RABGAP1L: variants seen among roughly 807,000 people sequenced by gnomAD.
RABGAP1L encodes rab GTPase-activating protein 1-like.
Under a neutral mutation model 137.7 loss-of-function variants are expected in RABGAP1L, and 63 were observed. That is an observed-to-expected ratio of 0.46 (90% CI 0.37 to 0.56). RABGAP1L has a LOEUF of 0.56. RABGAP1L is among the 20% of genes least tolerant of loss of function. The probability of loss-of-function intolerance (pLI) is 0.00; values close to 1 mark genes in which losing one functional copy is unlikely to be tolerated. For synonymous variants in RABGAP1L, 431 were observed against 433.7 expected (o/e 0.99, Z 0.08); for missense variants, 1,095 against 1,244.0 (o/e 0.88, Z 1.80).
At chr1:174,324,829 T>G (rs1008627587) in intron 11 of RABGAP1L, among the ~76,000 whole-genome samples, 4 of 152,128 alleles carry the variant, frequency 2.6e-5, no homozygotes, top group Admixed American at 6.5e-5. Flanking sequence ...ACAAGGAGGT[T>G]TAATAAGATA....
At chr1:174,355,756 G>A (rs1399481343) in intron 11 of RABGAP1L, among the ~76,000 whole-genome samples, 1 of 151,964 alleles carries the variant, frequency 6.6e-6, no homozygotes, top group Non-Finnish European at 1.5e-5. Flanking sequence ...AATCACTTAT[G>A]CTTAGCAACT....
In RABGAP1L at chr1:174,717,479, G is replaced by A. The variant is rs1056712613; in HGVS notation, c.2169+15223G>A. On this transcript the variant is annotated intron_variant, in intron 17 of 25. Coordinates refer to ENST00000681986, the MANE Select transcript of RABGAP1L (RefSeq NM_001366446.1). Reference sequence around the variant, plus strand: ...TCCAATAGTACTGATTAAACCTCTCGTTTAAGTGCCCTTTTTTGTTCCCGT... The same window carrying A: ...TCCAATAGTACTGATTAAACCTCTCATTTAAGTGCCCTTTTTTGTTCCCGT... 4.6e-5 allele frequency among the ~76,000 whole-genome samples: 7 copies of A among 152,052 alleles called. No individual in the cohort carries two copies. In the East Asian group the frequency reaches 9.6e-4, roughly 21 times the overall value.
intron 13 of RABGAP1L, among the ~76,000 whole-genome samples, chr1:174,486,953 A>T (rs1323057613): frequency 6.6e-6 from 1 of 152,100 alleles, no homozygotes; most frequent in African/African-American, 2.4e-5. Flanking sequence ...ATTCCTTGTT[A>T]CTAATTTCTA....
intron 11 of RABGAP1L, among the ~76,000 whole-genome samples, chr1:174,327,967 A>G (rs1413059006): frequency 7.1e-5 from 1 of 14,112 alleles, no homozygotes; most frequent in Non-Finnish European, 1.1e-4. Context: ...ATATATATAT[A>G]TATATATATA....
At chr1:174,191,371 CACTT>C (rs1410435509) in intron 1 of RABGAP1L, among the ~76,000 whole-genome samples, 11 of 152,182 alleles carry the variant, frequency 7.2e-5, no homozygotes, top group African/African-American at 2.7e-4. Flanking sequence ...CCTGGTTTAG[CACTT>C]ACTTTCTTTT....
chr1:174,840,474 G>C (rs1258781049), intron 19 of RABGAP1L, among the ~76,000 whole-genome samples: 1 of 152,086 alleles, frequency 6.6e-6, no homozygotes, highest in Non-Finnish European at 1.5e-5. Context: ...TAGGATTTGT[G>C]TACTAGCAGC....
chr1:174,251,062 A>C (rs1672673787), intron 6 of RABGAP1L, among the ~76,000 whole-genome samples: 1 of 152,212 alleles, frequency 6.6e-6, no homozygotes, highest in Non-Finnish European at 1.5e-5. Flanking sequence ...TGGCCTCCCA[A>C]AGTGCTGGGA....
intron 21 of RABGAP1L, among the ~76,000 whole-genome samples, chr1:174,969,799 T>G (rs1459851763): frequency 6.6e-6 from 1 of 152,032 alleles, no homozygotes; most frequent in Non-Finnish European, 1.5e-5. Context: ...ACATTAAGAG[T>G]TGGATTGTTA....
intron 1 of RABGAP1L, among the ~76,000 whole-genome samples, chr1:174,169,812 T>C (rs2148223544): frequency 6.6e-6 from 1 of 151,992 alleles, no homozygotes; most frequent in South Asian, 2.1e-4. Flanking sequence ...AACCTTCGTC[T>C]CAGGAGTAGC....
chr1:174,389,542 C>T (rs1687058782), intron 12 of RABGAP1L, among the ~76,000 whole-genome samples: 1 of 152,020 alleles, frequency 6.6e-6, no homozygotes, highest in Non-Finnish European at 1.5e-5. Flanking sequence ...TAAGTAGTTT[C>T]AAGAAAATCC....
At chr1:174,989,763 G>C (rs1389039259) in intron 25 of RABGAP1L, 86 bp from the exon 26 acceptor site, 2 of 1,423,968 alleles carry the variant, frequency 1.4e-6, no homozygotes, top group African/African-American at 1.4e-5. Context: ...CATACCTTGA[G>C]ACTCCAAAAA....
At chr1:174,847,467 T>C (rs1323870162) in intron 19 of RABGAP1L, among the ~76,000 whole-genome samples, 1 of 150,768 alleles carries the variant, frequency 6.6e-6, no homozygotes, top group Non-Finnish European at 1.5e-5. Context: ...TAAAGTATTT[T>C]ATTTCTCCTT....
intron 13 of RABGAP1L, among the ~76,000 whole-genome samples, chr1:174,521,744 T>G (rs982234991): frequency 4.6e-5 from 7 of 152,144 alleles, no homozygotes; most frequent in African/African-American, 7.2e-5. Context: ...CAGCATCTTA[T>G]ACAACTCAGA....
chr1:174,530,150 C>T (rs1206194730), intron 13 of RABGAP1L, among the ~76,000 whole-genome samples: 1 of 151,234 alleles, frequency 6.6e-6, no homozygotes, highest in Non-Finnish European at 1.5e-5. Flanking sequence ...CAGCCTAGGC[C>T]TCTCCAGTGG....
chr1:174,844,590 G>C (rs1336254949), intron 19 of RABGAP1L, among the ~76,000 whole-genome samples: 7 of 127,840 alleles, frequency 5.5e-5, no homozygotes, highest in Admixed American at 2.5e-4. Flanking sequence ...CTATATCTCT[G>C]TTTTGGTACC....
chr1:174,560,684 A>C (rs1667152812), intron 13 of RABGAP1L, among the ~76,000 whole-genome samples: 1 of 152,166 alleles, frequency 6.6e-6, no homozygotes, highest in African/African-American at 2.4e-5. Context: ...CATAGTACCC[A>C]ATAAGTAGTT....
intron 13 of RABGAP1L, among the ~76,000 whole-genome samples, chr1:174,396,882 T>C (rs1346049609): frequency 6.6e-6 from 1 of 151,412 alleles, no homozygotes; most frequent in Non-Finnish European, 1.5e-5. Flanking sequence ...TTCATGCCTG[T>C]AATTCCAACA....
chr1:174,793,740 G>A (rs1320368222), intron 18 of RABGAP1L, among the ~76,000 whole-genome samples: 1 of 151,730 alleles, frequency 6.6e-6, no homozygotes, highest in Non-Finnish European at 1.5e-5. Flanking sequence ...GTGTCACCCA[G>A]GCTGGAGTGC....
chr1:174,836,009 A>C (rs975651611), intron 19 of RABGAP1L, among the ~76,000 whole-genome samples: 6 of 152,232 alleles, frequency 3.9e-5, no homozygotes, highest in Admixed American at 1.3e-4. Flanking sequence ...CCCCATGCCT[A>C]CTTTTCTGCC....
Sources: gnomAD v4.1 joint callset for allele counts (sites outside exome capture counted in the v4.1 genomes callset) on GRCh38, gnomAD v4.1.1 for gene constraint, MANE v1.5 for transcripts, NCBI Gene and HGNC (gene_info 2026-07-23, HGNC 2026-07-21) for gene names.